Variants in KCTD10 observed in about 807,000 individuals in gnomAD.
KCTD10 encodes BTB/POZ domain-containing adapter for CUL3-mediated RhoA degradation protein 3.
Under a neutral mutation model 34.6 loss-of-function variants are expected in KCTD10, and 13 were observed. The ratio of observed to expected loss-of-function variants is 0.38; its 90% CI spans 0.24 to 0.60. The LOEUF (loss-of-function observed/expected upper bound fraction) is 0.60, where lower values mean the gene tolerates loss of function less well. KCTD10 is among the 20% of genes least tolerant of loss of function. KCTD10 has a pLI of 0.66. For missense variants in KCTD10, 256 were observed against 420.3 expected, an observed-to-expected ratio of 0.61 and a Z score of 3.42; for synonymous variants, 156 against 168.8, an observed-to-expected ratio of 0.92 and a Z score of 0.59.
chr12:109,476,086 C>T (rs1566061504), intron 1 of KCTD10, among the ~76,000 whole-genome samples: 1 of 152,202 alleles, frequency 6.6e-6, no homozygotes, highest in African/African-American at 2.4e-5. Context: ...AATCATTAGT[C>T]TAATCCCTTG....
Position 109,470,565 on chromosome 12 carries a change from G to A in KCTD10, c.4-837C>T, listed in dbSNP as rs141480538. ...AATGAACAGGTAAAACTGTAGAGGT[G>A]GAGATGTGCAAGGGTGGGCAGAATC... On this transcript the variant is annotated intron_variant, in intron 1 of 6. Transcript: ENST00000228495. The A allele has an allele frequency of 1.0e-4, 100 of 985,414 alleles. No individual in the cohort carries two copies. In the African/African-American group the frequency reaches 1.6e-3, roughly 15 times the overall value. The allele number at this position is 985,414 out of a possible 1,614,324, so 61.0% of individuals were successfully genotyped here. A position where few individuals can be genotyped will look rare whatever the true frequency, so the allele number is the denominator to read the frequency against.
At chr12:109,464,563 A>C (rs560188455) in intron 2 of KCTD10, among the ~76,000 whole-genome samples, 1 of 152,342 alleles carries the variant, frequency 6.6e-6, no homozygotes, top group Non-Finnish European at 1.5e-5. Context: ...AAGCTCAGAC[A>C]AGTCAGACTG....
Position 109,450,028 on chromosome 12 carries a change from A to C in KCTD10, c.*1567T>G, listed in dbSNP as rs979265962. 1.1e-5 allele frequency: 4 copies of C among 368,934 alleles called. No homozygotes were observed. The highest frequency in any genetic ancestry group is 8.3e-5 in the African/African-American group (4 of 48,018). 22.9% of individuals were successfully genotyped at this position (368,934 alleles called of 1,614,324 possible). On this transcript the variant is annotated 3_prime_UTR_variant, in exon 7 of 7. Coordinates refer to ENST00000228495, the MANE Select transcript of KCTD10 (RefSeq NM_031954.5). ...GCTGTTGGATACAAAATGAAGGCAT[A>C]CAACTGTCACAGGCAGGGCAGTAAG...
chr12:109,471,778 C>T (rs1873901271), intron 1 of KCTD10, among the ~76,000 whole-genome samples: 1 of 152,148 alleles, frequency 6.6e-6, no homozygotes, highest in Admixed American at 6.5e-5. Flanking sequence ...AATGCAAATA[C>T]TTTTTAAGCA....
intron 6 of KCTD10, among the ~76,000 whole-genome samples, chr12:109,452,996 C>T (rs984986821): frequency 2.6e-5 from 4 of 152,112 alleles, no homozygotes; most frequent in African/African-American, 7.2e-5. Flanking sequence ...TCAGGAGTGG[C>T]GTGTTCTTGT....
At chr12:109,476,562 G>T (rs1158742439) in intron 1 of KCTD10, among the ~76,000 whole-genome samples, 1 of 152,134 alleles carries the variant, frequency 6.6e-6, no homozygotes, top group Non-Finnish European at 1.5e-5. Flanking sequence ...TGGCCTCAAT[G>T]GAAGTTACAG....
Position 109,456,153 on chromosome 12 carries a change from A to AG in KCTD10, c.687dup (p.Ser230LeufsTer7). On this transcript the variant is annotated frameshift_variant, in exon 6 of 7. Coordinates refer to ENST00000228495, the MANE Select transcript of KCTD10 (RefSeq NM_031954.5). LOFTEE classifies it high-confidence loss of function. ...TTCTTCTCAGTGGCATAGACGATGGAGGTACAACAGACTTCAGCAATCTTC... is the reference window on the plus strand; with the variant it reads ...TTCTTCTCAGTGGCATAGACGATGGAGGGTACAACAGACTTCAGCAATCTTC... 6.2e-7 allele frequency: 1 copy of AG among 1,614,178 alleles called. No homozygotes were observed. The highest frequency in any genetic ancestry group is 1.1e-5 in the South Asian group (1 of 91,076).
chr12:109,473,123 T>C (rs1216100318), intron 1 of KCTD10, among the ~76,000 whole-genome samples: 2 of 152,236 alleles, frequency 1.3e-5, no homozygotes, highest in African/African-American at 4.8e-5. Context: ...TCAGTCACTC[T>C]CAAGCTGGAG....
At chr12:109,464,738 C>T (rs1383472787) in intron 2 of KCTD10, 2 of 434,412 alleles carry the variant, frequency 4.6e-6, no homozygotes. Flanking sequence ...ACGTACCAGA[C>T]ATTAGGAAAT....
rs767864164 is a variant in KCTD10, at chr12:109,460,813, G to C, written c.218-8C>G. The C allele has an allele frequency of 1.9e-6, 3 of 1,613,460 alleles. No individual in the cohort carries two copies. The highest frequency in any genetic ancestry group is 3.3e-5 in the Admixed American group (2 of 59,984). On this transcript the variant is annotated splice_polypyrimidine_tract_variant and splice_region_variant and intron_variant, in intron 2 of 6. Coordinates refer to ENST00000228495, the MANE Select transcript of KCTD10 (RefSeq NM_031954.5). The surrounding 1 kb of genome is among the most constrained non-coding windows in gnomAD (Gnocchi z 4.5). ...GGTCAATGAGGATCCAGCCTGCAGA[G>C]GGAGGAGGCAGGGGCTGGTTACATG...
chr12:109,472,786 T>C (rs1382502575), intron 1 of KCTD10, among the ~76,000 whole-genome samples: 1 of 152,224 alleles, frequency 6.6e-6, no homozygotes, highest in Non-Finnish European at 1.5e-5. Flanking sequence ...AAGGGACTGT[T>C]ATATACGCAG....
At position 109,450,529 on chromosome 12, in the gene KCTD10, G is replaced by T; in HGVS notation, c.*1066C>A. On this transcript the variant is annotated 3_prime_UTR_variant, in exon 7 of 7. Transcript: ENST00000228495. ...AAAAATCAGAGGCAAAGACAAGGGGGTCTGTGTTTATAGCAGGGAAGCTCC... is the reference window on the plus strand; with the variant it reads ...AAAAATCAGAGGCAAAGACAAGGGGTTCTGTGTTTATAGCAGGGAAGCTCC... 1 of 397,052 alleles carries T rather than the reference G, an allele frequency of 2.5e-6. No individual in the cohort carries two copies. The highest frequency in any genetic ancestry group is 3.6e-5 in the East Asian group (1 of 28,042). The allele number at this position is 397,052 out of a possible 1,614,324, so 24.6% of individuals were successfully genotyped here. A position where few individuals can be genotyped will look rare whatever the true frequency, so the allele number is the denominator to read the frequency against.
chr12:109,470,178 A>G (rs1403366928), intron 1 of KCTD10: 23 of 992,760 alleles, frequency 2.3e-5, no homozygotes, highest in Non-Finnish European at 2.8e-5. Context: ...GTCTCTTTAC[A>G]TTTCCTTATT....
rs1189217670 is a variant in KCTD10 at position 109,460,823 on chromosome 12, A to C, written c.218-18T>G. ...GATCCAGCCTGCAGAGGGAGGAGGCAGGGGCTGGTTACATGGGCCCTCCTC... is the reference window on the plus strand; with the variant it reads ...GATCCAGCCTGCAGAGGGAGGAGGCCGGGGCTGGTTACATGGGCCCTCCTC... On this transcript the variant is annotated intron_variant, in intron 2 of 6. Coordinates refer to ENST00000228495, the MANE Select transcript of KCTD10 (RefSeq NM_031954.5). This position sits in a 1 kb window ranked among gnomAD's most constrained non-coding sequence, Gnocchi z 4.5. The C allele has an allele frequency of 1.2e-6, 2 of 1,612,304 alleles. No individual in the cohort carries two copies. Among genetic ancestry groups the C allele is most frequent in the East Asian group, 4.5e-5 (2 of 44,866 alleles).
At position 109,465,753 on chromosome 12, in the gene KCTD10, A is replaced by G. The variant is rs1318679420; in HGVS notation, c.217+3762T>C. Among the ~76,000 whole-genome samples the G allele has an allele frequency of 3.3e-5, 5 of 152,200 alleles. No homozygotes were observed. The East Asian group carries it at 9.6e-4, about 29-fold the overall frequency. ...ATTTTACCAAAGAGCATTGTCATGG[A>G]AGGCAGAAGGGCTGGAGATCTCAGG... On this transcript the variant is annotated intron_variant, in intron 2 of 6. Transcript: ENST00000228495.
intron 6 of KCTD10, among the ~76,000 whole-genome samples, chr12:109,452,907 T>A (rs1300510336): frequency 1.3e-5 from 2 of 151,644 alleles, no homozygotes; most frequent in Admixed American, 1.3e-4. Context: ...ACTTCTCATT[T>A]TTAGAGCTTA....
rs775672360 is a variant in KCTD10, at chr12:109,451,733, G to A, written c.804C>T (p.Asp268=). ...LYEAQDGRGP[D]NALLEATGGA... ...CGCCTGTGGCCTCCAGGAGCGCATT[G>A]TCAGGTCCCCGGCCATCCTGGGCCT... The change falls in exon 7 of 7, where the codon GAC becomes GAT. Residue 268 remains aspartate (D), a synonymous_variant. Transcript: ENST00000228495. This position sits in a 1 kb window ranked among gnomAD's most constrained non-coding sequence, Gnocchi z 5.0. The A allele has an allele frequency of 1.1e-5, 17 of 1,614,046 alleles. No individual in the cohort carries two copies. The highest frequency in any genetic ancestry group is 1.6e-4 in the Middle Eastern group (1 of 6,084).
Position 109,450,479 on chromosome 12 carries a change from C to T in KCTD10, c.*1116G>A, listed in dbSNP as rs921891837. 3 of 398,574 alleles carry T rather than the reference C, an allele frequency of 7.5e-6. No individual in the cohort carries two copies. The highest frequency in any genetic ancestry group is 6.2e-5 in the African/African-American group (3 of 48,620). 24.7% of individuals were successfully genotyped at this position (398,574 alleles called of 1,614,324 possible). A position where few individuals can be genotyped will look rare whatever the true frequency, so the allele number is the denominator to read the frequency against. ...TCTACCCGCACATCCTCAACCTGTTCACTGCTGGCCACTCTACACTGTGTA... is the reference window on the plus strand; with the variant it reads ...TCTACCCGCACATCCTCAACCTGTTTACTGCTGGCCACTCTACACTGTGTA... On this transcript the variant is annotated 3_prime_UTR_variant, in exon 7 of 7. Transcript: ENST00000228495.
Position 109,451,455 on chromosome 12 carries a change from A to G in KCTD10, c.*140T>C, listed in dbSNP as rs1261818131. The G allele has an allele frequency of 1.2e-6, 1 of 820,982 alleles. No homozygotes were observed. The highest frequency in any genetic ancestry group is 1.7e-5 in the African/African-American group (1 of 58,206). 50.9% of individuals were successfully genotyped at this position (820,982 alleles called of 1,614,324 possible). A position where few individuals can be genotyped will look rare whatever the true frequency, so the allele number is the denominator to read the frequency against. ...CAATTTGCCTTGTCAAGCAATACCA[A>G]AATAATCATCTGGCTTGTTACAAAA... On this transcript the variant is annotated 3_prime_UTR_variant, in exon 7 of 7. Coordinates refer to ENST00000228495, the MANE Select transcript of KCTD10 (RefSeq NM_031954.5). This position sits in a 1 kb window ranked among gnomAD's most constrained non-coding sequence, Gnocchi z 5.0.
Sources: gnomAD v4.1 joint callset for allele counts (sites outside exome capture counted in the v4.1 genomes callset) on GRCh38, gnomAD v4.1.1 for gene constraint, Gnocchi (gnomAD v3.1) non-coding constraint, MANE v1.5 for transcripts, NCBI Gene and HGNC (gene_info 2026-07-23, HGNC 2026-07-21) for gene names.